BIRC2: variants seen among roughly 807,000 people sequenced by gnomAD.
BIRC2 encodes the protein baculoviral IAP repeat containing 2.
BIRC2 carries 18 observed loss-of-function variants against 60.9 expected under a neutral mutation model. That is an observed-to-expected ratio of 0.30 (90% CI 0.20 to 0.44). The LOEUF (loss-of-function observed/expected upper bound fraction) is 0.44. BIRC2 is among the 20% of genes least tolerant of loss of function. The pLI is 1.00. For missense variants in BIRC2, 701 were observed against 728.5 expected, an observed-to-expected ratio of 0.96 and a Z score of 0.43; for synonymous variants, 282 against 247.7, an observed-to-expected ratio of 1.14 and a Z score of -1.30.
At chr11:102,359,300 A>G (rs982136325) in intron 3 of BIRC2, among the ~76,000 whole-genome samples, 7 of 152,190 alleles carry the variant, frequency 4.6e-5, no homozygotes, top group African/African-American at 1.7e-4. Flanking sequence ...TTGTGTATTC[A>G]TGAAAAAATT....
Position 102,368,466 on chromosome 11 carries a change from T to C in BIRC2, c.1284T>C (p.Asn428=). 6.2e-7 allele frequency: 1 copy of C among 1,613,920 alleles called. No homozygotes were observed. The highest frequency in any genetic ancestry group is 8.5e-7 in the Non-Finnish European group (1 of 1,179,948). ...LTTGENYKTV[N]DIVSALLNAE... ...CTGGAGAGAACTATAAAACAGTTAA[T>C]GATATTGTGTCAGCACTTCTTAATG... The change falls in exon 6 of 9, where the codon AAT becomes AAC. Residue 428 remains asparagine (N), a synonymous_variant. Transcript: ENST00000227758.
intron 3 of BIRC2, 21 bp downstream of exon 3, chr11:102,350,964 A>G (rs1381179757): frequency 1.2e-5 from 19 of 1,606,612 alleles, no homozygotes; most frequent in Non-Finnish European, 1.6e-5. Flanking sequence ...TGAAAAAGGT[A>G]TTTGTACAAA....
rs1025371795 is a variant in BIRC2 at position 102,349,729 on chromosome 11, T to G, written c.-126T>G. 2 of 993,222 alleles carry G rather than the reference T, an allele frequency of 2.0e-6. No homozygotes were observed. The highest frequency in any genetic ancestry group is 2.6e-5 in the Admixed American group (1 of 37,924). 61.5% of individuals were successfully genotyped at this position (993,222 alleles called of 1,614,324 possible). ...TGAATATAAACTGAGATAAATCCAG[T>G]AAAGAAAGTGTAGTAAATTCTACAT... On this transcript the variant is annotated 5_prime_UTR_variant, in exon 2 of 9. Transcript: ENST00000227758.
intron 3 of BIRC2, among the ~76,000 whole-genome samples, chr11:102,352,341 C>T (rs746503761): frequency 6.6e-6 from 1 of 152,056 alleles, no homozygotes; most frequent in Non-Finnish European, 1.5e-5. Flanking sequence ...GTCTCGATCT[C>T]CTGACCTCGT....
Position 102,348,772 on chromosome 11 carries a change from G to A in BIRC2, c.-1083G>A. ...AGAGTTTTCAGAAAGAAGGCTAGTA[G>A]AGTTGATTACTGATACTTTATGCTA... On this transcript the variant is annotated 5_prime_UTR_variant, in exon 2 of 9. Coordinates refer to ENST00000227758, the MANE Select transcript of BIRC2 (RefSeq NM_001166.5). 1 of 364,800 alleles carries A rather than the reference G, an allele frequency of 2.7e-6. No individual in the cohort carries two copies. The highest frequency in any genetic ancestry group is 5.3e-6 in the Non-Finnish European group (1 of 189,494). 22.6% of individuals were successfully genotyped at this position (364,800 alleles called of 1,614,324 possible). A position where few individuals can be genotyped will look rare whatever the true frequency, so the allele number is the denominator to read the frequency against.
chr11:102,377,953 T>G lies in BIRC2; in HGVS notation c.1664-37T>G, dbSNP rs778819020. On this transcript the variant is annotated intron_variant, in intron 8 of 8. Coordinates refer to ENST00000227758, the MANE Select transcript of BIRC2 (RefSeq NM_001166.5). ...CTATTACCCTTTTTTTTTAATGAAG[T>G]GGAAACAATTTCACTAAAGTTATTT... 15 of 1,599,412 alleles carry G rather than the reference T, an allele frequency of 9.4e-6. No homozygotes were observed. In the Admixed American group the frequency reaches 1.8e-4, roughly 19 times the overall value.
chr11:102,351,349 TCA>T (rs1179659957), intron 3 of BIRC2, among the ~76,000 whole-genome samples: 1 of 151,992 alleles, frequency 6.6e-6, no homozygotes, highest in African/African-American at 2.4e-5. Flanking sequence ...GCGTGGTGGC[TCA>T]CACCTGTAAT....
intron 3 of BIRC2, among the ~76,000 whole-genome samples, chr11:102,357,610 A>G (rs772262899): frequency 1.1e-4 from 17 of 152,176 alleles, no homozygotes; most frequent in African/African-American, 3.4e-4. Flanking sequence ...TCTTATGGTC[A>G]TTTGCGTTTC....
intron 6 of BIRC2, among the ~76,000 whole-genome samples, chr11:102,370,237 G>A (rs1951613261): frequency 1.3e-5 from 2 of 148,266 alleles, no homozygotes; most frequent in South Asian, 4.4e-4. Flanking sequence ...TGAAGTCCTT[G>A]CCCATGCCTA....
chr11:102,350,849 A>C lies in BIRC2; in HGVS notation c.901A>C (p.Asn301His). 1 of 1,613,756 alleles carries C rather than the reference A, an allele frequency of 6.2e-7. No homozygotes were observed. Among genetic ancestry groups the C allele is most frequent in the Non-Finnish European group, 8.5e-7 (1 of 1,179,862 alleles). Residue 301 changes from asparagine to histidine, a missense_variant, in exon 3 of 9, where the codon AAT becomes CAT. Coordinates refer to ENST00000227758, the MANE Select transcript of BIRC2 (RefSeq NM_001166.5). ...ASAGFYYVGR[N>H]DDVKCFCCDG... The stretch of plus-strand genomic sequence containing the variant: ...TAGTCTTTTTTTTCCTGAAGGTCGC[A>C]ATGATGATGTCAAATGCTTTTGTTG...
chr11:102,378,405 A>G lies in BIRC2; in HGVS notation c.*222A>G. On this transcript the variant is annotated 3_prime_UTR_variant, in exon 9 of 9. Coordinates refer to ENST00000227758, the MANE Select transcript of BIRC2 (RefSeq NM_001166.5). ...GGAAGATTTATGTTTGGTGAACTAT[A>G]TTAGTATGTATGTGTACCTAAGGGA... 2.4e-6 allele frequency: 1 copy of G among 411,008 alleles called. No homozygotes were observed. The highest frequency in any genetic ancestry group is 4.3e-6 in the Non-Finnish European group (1 of 233,624). The allele number at this position is 411,008 out of a possible 1,614,324, so 25.5% of individuals were successfully genotyped here.
intron 6 of BIRC2, among the ~76,000 whole-genome samples, chr11:102,376,384 G>C (rs1273501146): frequency 6.6e-6 from 1 of 152,168 alleles, no homozygotes; most frequent in African/African-American, 2.4e-5. Context: ...AATTATTTAG[G>C]TAGAAGAAAA....
chr11:102,359,713 T>C (rs188066779), intron 3 of BIRC2, among the ~76,000 whole-genome samples: 8 of 152,324 alleles, frequency 5.3e-5, no homozygotes, highest in Non-Finnish European at 8.8e-5. Flanking sequence ...TGTGGTCTTA[T>C]AGGGTTTCTC....
intron 6 of BIRC2, among the ~76,000 whole-genome samples, chr11:102,374,849 G>T (rs1041484862): frequency 6.6e-6 from 1 of 152,246 alleles, no homozygotes; most frequent in Admixed American, 6.5e-5. Context: ...TCCGAGCCAG[G>T]TGTGGGATAT....
intron 1 of BIRC2, among the ~76,000 whole-genome samples, chr11:102,348,097 A>G (rs1292681664): frequency 6.6e-6 from 1 of 152,162 alleles, no homozygotes; most frequent in Non-Finnish European, 1.5e-5. Flanking sequence ...TTGTAAGGGA[A>G]TGGCAGAGTT....
chr11:102,349,816 G>A lies in BIRC2; in HGVS notation c.-39G>A. On this transcript the variant is annotated 5_prime_UTR_variant, in exon 2 of 9. It adds an upstream start codon to the 5' untranslated region. Coordinates refer to ENST00000227758, the MANE Select transcript of BIRC2 (RefSeq NM_001166.5). ...CTTAGTTCATGTGAAGAAATTTCAT[G>A]TGAATGTTTTAGCTATCAAACAGTA... 1.3e-6 allele frequency: 2 copies of A among 1,519,840 alleles called. No individual in the cohort carries two copies. The highest frequency in any genetic ancestry group is 1.8e-6 in the Non-Finnish European group (2 of 1,133,856). The allele number at this position is 1,519,840 out of a possible 1,614,324, so 94.1% of individuals were successfully genotyped here.
At chr11:102,373,754 G>A in intron 6 of BIRC2, among the ~76,000 whole-genome samples, 1 of 151,646 alleles carries the variant, frequency 6.6e-6, no homozygotes. Context: ...ATAATATCCT[G>A]CAGAGTGTTT....
chr11:102,368,256 A>G (rs752718893), intron 5 of BIRC2, 50 bp from the exon 6 acceptor site: 60 of 1,564,236 alleles, frequency 3.8e-5, no homozygotes, highest in Non-Finnish European at 4.9e-5. Context: ...ACTTTTTTCC[A>G]TAGGTTTATG....
chr11:102,350,495 C>T lies in BIRC2; in HGVS notation c.641C>T (p.Pro214Leu). ...AGAGCTGGTTTTTATTATATAGGAC[C>T]TGGAGATAGGGTAGCCTGCTTTGCC... The part of the protein sequence containing the change: ...LARAGFYYIG[P>L]GDRVACFACG... Residue 214 changes from proline (P) to leucine (L), a missense_variant, in exon 2 of 9, where the codon CCT becomes CTT. By Grantham distance (98) the Pro-to-Leu change is moderately conservative (BLOSUM62 -3). Transcript: ENST00000227758. 6.2e-7 allele frequency: 1 copy of T among 1,614,140 alleles called. No homozygotes were observed. Among genetic ancestry groups the T allele is most frequent in the South Asian group, 1.1e-5 (1 of 91,086 alleles).
Sources: allele counts gnomAD v4.1 joint callset (sites outside exome capture counted in the v4.1 genomes callset), GRCh38; gene constraint gnomAD v4.1.1; transcripts MANE v1.5; gene names NCBI Gene and HGNC (gene_info 2026-07-23, HGNC 2026-07-21).